SERPINE2: variants seen among roughly 807,000 people sequenced by gnomAD.
The protein encoded by SERPINE2 is serpin family E member 2.
Under a neutral mutation model 36.3 loss-of-function variants are expected in SERPINE2, and 14 were observed. The ratio of observed to expected loss-of-function variants is 0.39; its 90% CI spans 0.25 to 0.60. The LOEUF (loss-of-function observed/expected upper bound fraction) is 0.60, where lower values mean the gene tolerates loss of function less well. Among genes scored for constraint, SERPINE2 ranks in the 20% least tolerant of loss-of-function variants. The pLI is 0.57. For synonymous variants in SERPINE2, 192 were observed against 191.8 expected, an observed-to-expected ratio of 1.00 and a Z score of -0.01; for missense variants, 418 against 499.6, an observed-to-expected ratio of 0.84 and a Z score of 1.56.
intron 1 of SERPINE2, among the ~76,000 whole-genome samples, chr2:224,026,787 C>T (rs185876616): frequency 2.0e-4 from 30 of 152,280 alleles, no homozygotes; most frequent in East Asian, 1.2e-3. Flanking sequence ...TGTGTATTCC[C>T]GTGTCTTGCT....
At chr2:223,989,950 C>T (rs1263248846) in intron 4 of SERPINE2, among the ~76,000 whole-genome samples, 2 of 152,244 alleles carry the variant, frequency 1.3e-5, no homozygotes, top group East Asian at 1.9e-4. Flanking sequence ...GGACAAGAAA[C>T]GGTGGGCACC....
intron 2 of SERPINE2, 95 bp downstream of exon 2, chr2:224,001,547 C>A: frequency 1.4e-6 from 2 of 1,441,460 alleles, no homozygotes; most frequent in Non-Finnish European, 1.9e-6. Context: ...GGCTGCTCTG[C>A]TTCTTGGGGT....
In SERPINE2 at chr2:223,975,621, G is replaced by A. The variant is rs766624189; in HGVS notation, c.*246C>T. 17 of 372,510 alleles carry A rather than the reference G, an allele frequency of 4.6e-5. No homozygotes were observed. The highest frequency in any genetic ancestry group is 7.6e-5 in the Non-Finnish European group (16 of 209,318). 23.1% of individuals were successfully genotyped at this position (372,510 alleles called of 1,614,324 possible). A position where few individuals can be genotyped will look rare whatever the true frequency, so the allele number is the denominator to read the frequency against. On this transcript the variant is annotated 3_prime_UTR_variant, in exon 9 of 9. Transcript: ENST00000409304. Reference sequence around the variant, plus strand: ...CTAGGTAACAGTTCAGTAGTTTAAAGAATCTTTTAGACATCTGGAAGCCTT... The same window carrying A: ...CTAGGTAACAGTTCAGTAGTTTAAAAAATCTTTTAGACATCTGGAAGCCTT...
At chr2:224,028,972 T>G (rs916397178) in intron 1 of SERPINE2, among the ~76,000 whole-genome samples, 1 of 152,226 alleles carries the variant, frequency 6.6e-6, no homozygotes, top group Non-Finnish European at 1.5e-5. Flanking sequence ...GGCTAAGAAG[T>G]GACATATGCA....
At chr2:223,986,427 TC>T (rs1020177283) in intron 4 of SERPINE2, among the ~76,000 whole-genome samples, 1 of 152,118 alleles carries the variant, frequency 6.6e-6, no homozygotes, top group Non-Finnish European at 1.5e-5. Flanking sequence ...AGAGGATTCT[TC>T]GTCTTTACTC....
At chr2:223,988,306 C>A (rs1342053049) in intron 4 of SERPINE2, among the ~76,000 whole-genome samples, 2 of 152,124 alleles carry the variant, frequency 1.3e-5, no homozygotes, top group Non-Finnish European at 2.9e-5. Flanking sequence ...ACAGCTGGGA[C>A]CACAGGTGAG....
chr2:224,033,943 G>T (rs772667107), intron 1 of SERPINE2, among the ~76,000 whole-genome samples: 10 of 152,162 alleles, frequency 6.6e-5, no homozygotes, highest in Non-Finnish European at 1.2e-4. Flanking sequence ...AATGTCTGAG[G>T]ATATATATTA....
At chr2:224,031,623 G>C (rs1051005335) in intron 1 of SERPINE2, 5 of 413,682 alleles carry the variant, frequency 1.2e-5, no homozygotes, top group Non-Finnish European at 1.6e-5. Flanking sequence ...TTGGTATCGG[G>C]ACGAGCATGT....
At chr2:224,005,097 A>ATATATATATATAT (rs58677711) in intron 1 of SERPINE2, among the ~76,000 whole-genome samples, 18 of 127,078 alleles carry the variant, frequency 1.4e-4, no homozygotes, top group Non-Finnish European at 1.7e-4. Context: ...ATATATATAT[A>ATATATATATATAT]AAACATTGTA....
At chr2:223,978,043 T>A (rs1329577005) in intron 7 of SERPINE2, 7 of 164,114 alleles carry the variant, frequency 4.3e-5, no homozygotes, top group Non-Finnish European at 8.0e-5. Context: ...CCCAGTCCTT[T>A]TTTTTGGGGA....
intron 3 of SERPINE2, among the ~76,000 whole-genome samples, chr2:223,993,101 G>C (rs1422842433): frequency 6.7e-6 from 1 of 150,036 alleles, no homozygotes. Context: ...CTCCAGCCTG[G>C]GTGACAGAAT....
intron 1 of SERPINE2, among the ~76,000 whole-genome samples, chr2:224,026,939 C>T (rs1292528684): frequency 6.6e-6 from 1 of 152,172 alleles, no homozygotes; most frequent in Non-Finnish European, 1.5e-5. Flanking sequence ...GACTAAATAG[C>T]CAACTCTTAG....
At chr2:223,983,693 TGC>T (rs1491119748) in intron 5 of SERPINE2, among the ~76,000 whole-genome samples, 25 of 146,702 alleles carry the variant, frequency 1.7e-4, no homozygotes, top group African/African-American at 4.2e-4. Flanking sequence ...TGGAGATATA[TGC>T]ACACACACAC....
chr2:223,999,271 AT>A (rs770276230), intron 2 of SERPINE2, among the ~76,000 whole-genome samples: 39 of 152,168 alleles, frequency 2.6e-4, no homozygotes, highest in Non-Finnish European at 5.0e-4. Context: ...TACATGCTCC[AT>A]TTAGTTTGAG....
At chr2:223,988,148 A>C (rs539185826) in intron 4 of SERPINE2, among the ~76,000 whole-genome samples, 4 of 152,146 alleles carry the variant, frequency 2.6e-5, no homozygotes, top group Non-Finnish European at 5.9e-5. Flanking sequence ...CGATGGGTTG[A>C]GAACTAAATG....
At chr2:223,997,067 A>C (rs1375178705) in intron 3 of SERPINE2, among the ~76,000 whole-genome samples, 3 of 152,086 alleles carry the variant, frequency 2.0e-5, no homozygotes, top group Non-Finnish European at 2.9e-5. Flanking sequence ...ACAGAGTGAG[A>C]CCCTGTCTCC....
chr2:224,023,637 G>T (rs530124135), intron 1 of SERPINE2, among the ~76,000 whole-genome samples: 2 of 152,308 alleles, frequency 1.3e-5, no homozygotes, highest in African/African-American at 4.8e-5. Context: ...AAATAAAACA[G>T]AGAACATCTT....
intron 1 of SERPINE2, among the ~76,000 whole-genome samples, chr2:224,024,457 C>A (rs1053552408): frequency 1.3e-5 from 2 of 152,196 alleles, no homozygotes; most frequent in Non-Finnish European, 2.9e-5. Context: ...ACAGTTGATG[C>A]TAATGCCTTG....
intron 2 of SERPINE2, 23 bp downstream of exon 2, chr2:224,001,619 A>G (rs779505648): frequency 5.6e-6 from 9 of 1,600,390 alleles, no homozygotes; most frequent in Non-Finnish European, 7.7e-6. Flanking sequence ...AGGCTCCGCC[A>G]GTGAGCAATT....
Sources: gnomAD v4.1 joint callset for allele counts (sites outside exome capture counted in the v4.1 genomes callset) on GRCh38, gnomAD v4.1.1 for gene constraint, MANE v1.5 for transcripts, NCBI Gene and HGNC (gene_info 2026-07-23, HGNC 2026-07-21) for gene names.